Variants in ZMYM2 observed in about 807,000 individuals in gnomAD.
ZMYM2 encodes the protein zinc finger MYM-type protein 2.
Under a neutral mutation model 162.8 loss-of-function variants are expected in ZMYM2, and 56 were observed. The observed-to-expected ratio is 0.34, with a 90% CI of 0.28 to 0.43. The LOEUF is 0.43. Among genes scored for constraint, ZMYM2 ranks in the 20% least tolerant of loss-of-function variants. The pLI is 1.00. For synonymous variants in ZMYM2, 510 were observed against 541.6 expected (o/e 0.94, Z 0.81); for missense variants, 1,275 against 1,621.8 (o/e 0.79, Z 3.67).
intron 2 of ZMYM2, among the ~76,000 whole-genome samples, chr13:19,980,267 ATAC>A (rs1957196581): frequency 6.6e-6 from 1 of 152,040 alleles, no homozygotes; most frequent in African/African-American, 2.4e-5. Flanking sequence ...CAGTTGTTTT[ATAC>A]TACTTTTCTG....
chr13:20,079,311 T>A (rs1957741986), intron 21 of ZMYM2, among the ~76,000 whole-genome samples: 2 of 78,858 alleles, frequency 2.5e-5, no homozygotes, highest in African/African-American at 5.8e-5. Flanking sequence ...AGTAAGACTC[T>A]GTCTCAAAAA....
At chr13:19,924,013 C>T in the ZMYM2 span, among the ~76,000 whole-genome samples, 1 of 152,022 alleles carries the variant, frequency 6.6e-6, no homozygotes, top group African/African-American at 2.4e-5. Flanking sequence ...TCCCTGTGCC[C>T]GACCATGGGA....
the ZMYM2 span, among the ~76,000 whole-genome samples, chr13:19,866,000 A>ACTTT: frequency 6.6e-6 from 1 of 151,806 alleles, no homozygotes. Context: ...AGTTACTTAA[A>ACTTT]CTCAGCCTCA....
intron 2 of ZMYM2, among the ~76,000 whole-genome samples, chr13:19,979,922 C>T (rs1004517059): frequency 1.3e-5 from 2 of 152,142 alleles, no homozygotes; most frequent in Non-Finnish European, 2.9e-5. Flanking sequence ...GGTGGAAGTA[C>T]TTATACCTAG....
At chr13:20,038,641 T>A (rs1485612025) in intron 12 of ZMYM2, among the ~76,000 whole-genome samples, 7 of 152,184 alleles carry the variant, frequency 4.6e-5, no homozygotes, top group Non-Finnish European at 8.8e-5. Flanking sequence ...TGTCTGCTTT[T>A]GTACCGGTAC....
chr13:20,059,335 A>AG lies in ZMYM2; in HGVS notation c.2624-112_2624-111insG, dbSNP rs1317514767. The AG allele has an allele frequency of 4.9e-6, 6 of 1,233,178 alleles. No individual in the cohort carries two copies. The East Asian group carries it at 1.7e-4, about 35-fold the overall frequency. 76.4% of individuals were successfully genotyped at this position (1,233,178 alleles called of 1,614,324 possible). A position where few individuals can be genotyped will look rare whatever the true frequency, so the allele number is the denominator to read the frequency against. On this transcript the variant is annotated intron_variant, in intron 15 of 24. Coordinates refer to ENST00000610343, the MANE Select transcript of ZMYM2 (RefSeq NM_197968.4). ...AACTTAAAAAAACTGGGAATTAAAA[A>AG]AAAAAAGGTACTGAGGTAGTTAAAT... is the stretch of plus-strand genomic sequence containing the variant.
chr13:19,883,512 T>C, the ZMYM2 span, among the ~76,000 whole-genome samples: 1 of 151,018 alleles, frequency 6.6e-6, no homozygotes, highest in Non-Finnish European at 1.5e-5. Flanking sequence ...GCTTAGCACA[T>C]TCATAGTTGT....
In ZMYM2 at chr13:20,061,178, T is replaced by C; in HGVS notation, c.2865T>C (p.Asp955=). Residue 955 remains aspartate (D), a synonymous_variant, in exon 17 of 25, where the codon GAT becomes GAC. Transcript: ENST00000610343. ...ALDTELLTMT[D]MMSEDEGKTE... is the part of the protein sequence containing the mutation. ...ATACAGAGTTGCTTACAATGACGGA[T>C]ATGATGAGTGAAGACGAGGGGAAAA... is the stretch of plus-strand genomic sequence containing the variant. 1 of 1,613,786 alleles carries C rather than the reference T, an allele frequency of 6.2e-7. No individual in the cohort carries two copies. Among genetic ancestry groups the C allele is most frequent in the African/African-American group, 1.3e-5 (1 of 75,024 alleles).
At chr13:20,036,289 T>C (rs1046783205) in intron 11 of ZMYM2, among the ~76,000 whole-genome samples, 5 of 151,788 alleles carry the variant, frequency 3.3e-5, no homozygotes, top group African/African-American at 4.8e-5. Flanking sequence ...TGAAGGTCCA[T>C]GTAAGAGAGG....
chr13:20,053,304 A>C (rs949808143), intron 14 of ZMYM2, among the ~76,000 whole-genome samples: 1 of 152,218 alleles, frequency 6.6e-6, no homozygotes, highest in Non-Finnish European at 1.5e-5. Flanking sequence ...TACTCATTAG[A>C]ATCACCTGGC....
chr13:20,083,306 C>T (rs984373907), intron 23 of ZMYM2, among the ~76,000 whole-genome samples: 4 of 152,186 alleles, frequency 2.6e-5, no homozygotes, highest in African/African-American at 9.7e-5. Flanking sequence ...AGGTGATCTG[C>T]CCACCTCAGC....
chr13:20,026,556 T>G, intron 7 of ZMYM2, 56 bp from the exon 8 acceptor site: 1 of 1,509,318 alleles, frequency 6.6e-7, no homozygotes, highest in African/African-American at 1.4e-5. Flanking sequence ...AATTGGTAAT[T>G]CTTTTCTAGT....
the ZMYM2 span, among the ~76,000 whole-genome samples, chr13:19,890,776 G>T: frequency 6.6e-6 from 1 of 151,578 alleles, no homozygotes; most frequent in African/African-American, 2.4e-5. Flanking sequence ...GGAGGCTGAG[G>T]CAGGAGAATG....
the ZMYM2 span, among the ~76,000 whole-genome samples, chr13:19,883,310 A>G: frequency 6.6e-6 from 1 of 152,228 alleles, no homozygotes; most frequent in East Asian, 1.9e-4. Flanking sequence ...AAAATGTTTT[A>G]TAACTTGATA....
At chr13:20,011,662 C>G (rs1390841799) in intron 6 of ZMYM2, among the ~76,000 whole-genome samples, 1 of 151,124 alleles carries the variant, frequency 6.6e-6, no homozygotes, top group Non-Finnish European at 1.5e-5. Flanking sequence ...TCAGTGCAAC[C>G]TCTGCCTCCT....
intron 6 of ZMYM2, among the ~76,000 whole-genome samples, 153 bp downstream of exon 6, chr13:20,006,739 A>C (rs763105150): frequency 6.6e-6 from 1 of 152,232 alleles, no homozygotes; most frequent in Non-Finnish European, 1.5e-5. Flanking sequence ...TACTGAATGC[A>C]TAGTGCTTTG....
intron 24 of ZMYM2, among the ~76,000 whole-genome samples, chr13:20,085,244 A>AT (rs981350514): frequency 6.6e-6 from 1 of 151,964 alleles, no homozygotes; most frequent in Non-Finnish European, 1.5e-5. Flanking sequence ...CAGATTTTGG[A>AT]TTTTTGAATT....
chr13:20,063,058 C>T, intron 18 of ZMYM2, 87 bp downstream of exon 18: 9 of 1,364,490 alleles, frequency 6.6e-6, no homozygotes, highest in South Asian at 1.5e-5. Flanking sequence ...GTGTCATTGC[C>T]TTTTAGCAGT....
the ZMYM2 span, among the ~76,000 whole-genome samples, chr13:19,930,768 A>T: frequency 7.9e-5 from 12 of 151,236 alleles, no homozygotes; most frequent in Admixed American, 7.9e-4. Flanking sequence ...CGAACTCCTG[A>T]CCTCAGGTGA....
Sources: allele counts gnomAD v4.1 joint callset (sites outside exome capture counted in the v4.1 genomes callset), GRCh38; gene constraint gnomAD v4.1.1; transcripts MANE v1.5; gene names NCBI Gene and HGNC (gene_info 2026-07-23, HGNC 2026-07-21).